Variants in FTCD observed in about 807,000 individuals in gnomAD.
FTCD encodes the protein formimidoyltransferase cyclodeaminase.
Under a neutral mutation model 62.9 loss-of-function variants are expected in FTCD, and 76 were observed. The ratio of observed to expected loss-of-function variants is 1.21; its 90% CI spans 1.00 to 1.46. FTCD has a LOEUF of 1.46. Ranked by LOEUF, FTCD falls within the 40% of genes most tolerant of loss-of-function variation. FTCD has a pLI of 0.00. For missense variants in FTCD, 845 were observed against 751.3 expected (o/e 1.12, Z -1.46); for synonymous variants, 397 against 336.9 (o/e 1.18, Z -1.95).
At position 46,142,651 on chromosome 21, in the gene FTCD, T is replaced by C. The variant is rs553731329; in HGVS notation, c.1260+2766A>G. 1.5e-4 allele frequency: 23 copies of C among 152,262 alleles called. No homozygotes were observed. The South Asian group carries it at 2.7e-3, about 18-fold the overall frequency. The allele number at this position is 152,262 out of a possible 1,614,324, so 9.4% of individuals were successfully genotyped here. A position where few individuals can be genotyped will look rare whatever the true frequency, so the allele number is the denominator to read the frequency against. On this transcript the variant is annotated intron_variant, in intron 10 of 13. Transcript: ENST00000397746. ...AAGAGTAAGCAGCAGCAAGATTTAGTTCGAAGAGCAAAAGAACAAAGCCCC... is the reference window on the plus strand; with the variant it reads ...AAGAGTAAGCAGCAGCAAGATTTAGCTCGAAGAGCAAAAGAACAAAGCCCC...
At chr21:46,146,353 CGGCCTCG>C in intron 7 of FTCD, 26 bp from the exon 8 acceptor site, 3 of 1,531,372 alleles carry the variant, frequency 2.0e-6, no homozygotes, top group Non-Finnish European at 2.7e-6. Flanking sequence ...GGAGTGGAAA[CGGCCTCG>C]GCGCGTCTCC....
At chr21:46,137,732 A>G (rs1251614878) in intron 12 of FTCD, among the ~76,000 whole-genome samples, 4 of 152,144 alleles carry the variant, frequency 2.6e-5, no homozygotes, top group African/African-American at 4.8e-5. Flanking sequence ...AGATGCTGAA[A>G]AGAGGCGTCT....
rs1220995651 is a variant in FTCD at position 46,154,162 on chromosome 21, C to T, written c.225G>A (p.Met75Ile). ...CAGAGACCTCACCTTGGTGCCTGCT[C>T]ATGTCGATAAGTCGGGAAGCTACCC... is the stretch of plus-strand genomic sequence containing the variant. ...AARVASRLID[M>I]SRHQGEHPRM... Residue 75 changes from methionine (M) to isoleucine (I), a missense_variant, in exon 2 of 14, where the codon ATG becomes ATA. Coordinates refer to ENST00000397746, the MANE Select transcript of FTCD (RefSeq NM_206965.2). The T allele has an allele frequency of 1.9e-6, 3 of 1,612,748 alleles. No individual in the cohort carries two copies. The highest frequency in any genetic ancestry group is 2.7e-5 in the African/African-American group (2 of 74,948).
chr21:46,150,228 C>G lies in FTCD; in HGVS notation c.797G>C (p.Gly266Ala). The change falls in exon 7 of 14, where the codon GGC (glycine) becomes GCC (alanine). Residue 266 changes from glycine to alanine, a missense_variant. Transcript: ENST00000397746. Reference protein sequence around the residue: ...EAQELSLPVVGSQLVGLVPLK... With the variant: ...EAQELSLPVVASQLVGLVPLK... ...GGGCACCAGGCCCACCAGCTGTGAG[C>G]CCACCACTGGGAGGCTCAGCTCCTG... The G allele has an allele frequency of 6.2e-7, 1 of 1,609,668 alleles. No individual in the cohort carries two copies.
Position 46,145,909 on chromosome 21 carries a change from C to A in FTCD, c.1007G>T (p.Gly336Val), listed in dbSNP as rs540211579. ...VPERGPERGLGSKSLRAFVGE... is the reference protein window; with the variant it reads ...VPERGPERGLVSKSLRAFVGE... ...CACGAAGGCGCGCAGGGACTTGCTG[C>A]CCAGGCCTCGCTCAGGCCCGCGCTC... Residue 336 changes from glycine (G) to valine (V), a missense_variant, in exon 9 of 14, where the codon GGC (glycine) becomes GTC (valine). Physicochemically the swap from Gly to Val is moderately radical, Grantham distance 109. Transcript: ENST00000397746. 202 of 1,500,840 alleles carry A rather than the reference C, an allele frequency of 1.3e-4. 2 individuals carry two copies. The East Asian group carries it at 4.9e-3, about 36-fold the overall frequency. 93.0% of individuals were successfully genotyped at this position (1,500,840 alleles called of 1,614,324 possible).
In FTCD at chr21:46,150,144, AG is replaced by A; in HGVS notation, c.880del (p.Leu294TrpfsTer11). ...CAGCCTGATCCGCTGCTCCTCCTCC[AG>A]GATGAAGAGGTTCTCCTTCTCGCAG... Reference protein sequence around the residue: ...FYCEKENLFILEEEQRIRLVV... With the variant: ...FYCEKENLFIXEEEQRIRLVV... On this transcript the variant is annotated frameshift_variant, in exon 7 of 14. Transcript: ENST00000397746. LOFTEE classifies it high-confidence loss of function. The A allele has an allele frequency of 6.4e-7, 1 of 1,564,544 alleles. No individual in the cohort carries two copies. The highest frequency in any genetic ancestry group is 8.7e-7 in the Non-Finnish European group (1 of 1,151,322).
chr21:46,136,537 G>A, downstream of FTCD: 1 of 1,607,734 alleles, frequency 6.2e-7, no homozygotes, highest in Non-Finnish European at 8.5e-7. Context: ...CTCAGACAAG[G>A]GGCCTCACAG....
chr21:46,153,533 C>T (rs1176716649), intron 2 of FTCD, among the ~76,000 whole-genome samples: 1 of 152,204 alleles, frequency 6.6e-6, no homozygotes, highest in Non-Finnish European at 1.5e-5. Context: ...CTCGCTGTGG[C>T]TACACCAAGC....
rs56201328 is a variant in FTCD, at chr21:46,141,303, ATTT to A, written c.1261-2383_1261-2381del. Among the ~76,000 whole-genome samples the A allele has an allele frequency of 2.7e-3, 391 of 142,770 alleles. 3 individuals are homozygous for A. The highest frequency in any genetic ancestry group is 9.4e-3 in the African/African-American group (364 of 38,738). The allele number at this position is 142,770 out of a possible 152,430, so 93.7% of individuals were successfully genotyped here. A position where few individuals can be genotyped will look rare whatever the true frequency, so the allele number is the denominator to read the frequency against. On this transcript the variant is annotated intron_variant, in intron 10 of 13. Coordinates refer to ENST00000397746, the MANE Select transcript of FTCD (RefSeq NM_206965.2). ...GGTACCTGCTACCACGCCTGGCTTT[ATTT>A]TTTTTTTTTCTTTTTGGGTGGGTAA...
intron 2 of FTCD, among the ~76,000 whole-genome samples, chr21:46,153,948 C>T (rs973228154): frequency 1.3e-5 from 2 of 152,126 alleles, no homozygotes; most frequent in Admixed American, 6.5e-5. Context: ...CTGGGGGTCC[C>T]CCAGAGCACA....
In FTCD at chr21:46,138,940, G is replaced by A. The variant is rs1248867513; in HGVS notation, c.1261-17C>T. The stretch of plus-strand genomic sequence containing the variant: ...CATTGCTTCCTGCCATAAAGAGACA[G>A]AACCACTGGGCGAGGGACCGTAGGG... On this transcript the variant is annotated splice_polypyrimidine_tract_variant and intron_variant, in intron 10 of 13. Transcript: ENST00000397746. The A allele has an allele frequency of 6.8e-6, 11 of 1,607,570 alleles. No individual in the cohort carries two copies. The highest frequency in any genetic ancestry group is 9.4e-6 in the Non-Finnish European group (11 of 1,174,372).
In FTCD at chr21:46,152,980, G is replaced by A. The variant is rs371214676; in HGVS notation, c.294C>T (p.Gly98=). The A allele has an allele frequency of 1.5e-4, 230 of 1,553,766 alleles. 1 individual carries two copies. Among genetic ancestry groups the A allele is most frequent in the East Asian group, 2.4e-4 (10 of 41,614 alleles). Residue 98 remains glycine, a synonymous_variant, in exon 3 of 14, where the codon GGC becomes GGT. Coordinates refer to ENST00000397746, the MANE Select transcript of FTCD (RefSeq NM_206965.2). The part of the protein sequence containing the change: ...LDVCPFIPVR[G]VSVDECVLCA... ...AGAGCACACACTCATCCACGCTGAC[G>A]CCCCTCACGGGGATGAAGGGGCAGA...
intron 10 of FTCD, chr21:46,142,439 G>A (rs1473696298): frequency 1.3e-5 from 2 of 151,352 alleles, no homozygotes; most frequent in African/African-American, 4.9e-5. Flanking sequence ...TACAGGTGGC[G>A]CGTCGGGAGC....
intron 7 of FTCD, among the ~76,000 whole-genome samples, chr21:46,148,627 T>A (rs1309325278): frequency 6.6e-6 from 1 of 152,110 alleles, no homozygotes; most frequent in African/African-American, 2.4e-5. Context: ...TCAAAAGAAG[T>A]AACAAATTAA....
chr21:46,153,837 G>A (rs1455037167), intron 2 of FTCD, among the ~76,000 whole-genome samples: 1 of 152,248 alleles, frequency 6.6e-6, no homozygotes, highest in East Asian at 1.9e-4. Context: ...CAGCCCCCTT[G>A]ACGAGTGGGC....
At chr21:46,153,624 A>G (rs2079357269) in intron 2 of FTCD, among the ~76,000 whole-genome samples, 1 of 152,194 alleles carries the variant, frequency 6.6e-6, no homozygotes. Flanking sequence ...CTTAGAGATA[A>G]GCTTCTCATC....
rs560818887 is a variant in FTCD at position 46,150,958 on chromosome 21, G to A, written c.637-433C>T. ...ACTCTGACCTCTGCCCTTGGCCGGG[G>A]CCTAAAGCAGGACTTAGAGGTCCCT... On this transcript the variant is annotated intron_variant, in intron 5 of 13. Transcript: ENST00000397746. Among the ~76,000 whole-genome samples, 320 of 152,372 alleles carry A rather than the reference G, an allele frequency of 2.1e-3. 1 individual carries two copies. The highest frequency in any genetic ancestry group is 7.2e-3 in the African/African-American group (299 of 41,594).
intron 5 of FTCD, among the ~76,000 whole-genome samples, chr21:46,150,980 C>T (rs1045902654): frequency 1.3e-5 from 2 of 152,258 alleles, no homozygotes. Flanking sequence ...ACTTAGAGGT[C>T]CCTGTGCTTT....
chr21:46,144,008 T>A (rs2079072216), intron 10 of FTCD, among the ~76,000 whole-genome samples: 1 of 152,122 alleles, frequency 6.6e-6, no homozygotes, highest in Non-Finnish European at 1.5e-5. Context: ...AAAGTATTAG[T>A]CTTTAATCTT....
Sources: allele counts gnomAD v4.1 joint callset (sites outside exome capture counted in the v4.1 genomes callset), GRCh38; gene constraint gnomAD v4.1.1; transcripts MANE v1.5; gene names NCBI Gene and HGNC (gene_info 2026-07-23, HGNC 2026-07-21).